Variants in ZNF536 observed in about 807,000 individuals in gnomAD.
ZNF536 encodes zinc finger protein 536.
ZNF536 carries 13 observed loss-of-function variants against 84.5 expected under a neutral mutation model. The observed-to-expected ratio is 0.15, with a 90% CI of 0.10 to 0.24. The LOEUF (loss-of-function observed/expected upper bound fraction) is 0.24. ZNF536 is among the 10% of genes least tolerant of loss of function. The pLI is 1.00. For synonymous variants in ZNF536, 811 were observed against 742.5 expected (o/e 1.09, Z -1.50); for missense variants, 1,536 against 1,747.5 (o/e 0.88, Z 2.16).
chr19:30,421,825 C>T (rs968588071), intron 1 of ZNF536, among the ~76,000 whole-genome samples: 17 of 152,242 alleles, frequency 1.1e-4, no homozygotes, highest in African/African-American at 1.9e-4. Flanking sequence ...CCTCTGTACA[C>T]GAGAGCAGGC....
At chr19:30,281,399 C>T (rs530350900) in intron 1 of ZNF536, among the ~76,000 whole-genome samples, 1 of 152,356 alleles carries the variant, frequency 6.6e-6, no homozygotes, top group South Asian at 2.1e-4. Context: ...AGCCCTGTCT[C>T]CACCAGGGCC....
intron 3 of ZNF536, among the ~76,000 whole-genome samples, chr19:30,361,178 A>G (rs985943586): frequency 8.5e-5 from 13 of 152,182 alleles, no homozygotes; most frequent in South Asian, 4.1e-4. Context: ...CCAAAAAAAA[A>G]GGGGACTTGT....
chr19:30,477,270 A>G (rs2144757983), intron 2 of ZNF536, among the ~76,000 whole-genome samples: 1 of 152,264 alleles, frequency 6.6e-6, no homozygotes, highest in South Asian at 2.1e-4. Flanking sequence ...TCTCCCCACT[A>G]GAATGCAGGT....
intron 2 of ZNF536, among the ~76,000 whole-genome samples, chr19:30,454,493 C>A (rs2052747595): frequency 6.6e-6 from 1 of 152,226 alleles, no homozygotes. Context: ...AAGACAGATA[C>A]ATGCTTCTCT....
At chr19:30,296,255 G>T (rs561932526) in intron 2 of ZNF536, 1 of 152,552 alleles carries the variant, frequency 6.6e-6, no homozygotes, top group East Asian at 1.9e-4. Context: ...TAAGGGCAGT[G>T]GAATGTCATG....
chr19:30,507,828 T>C (rs538795404), intron 2 of ZNF536, among the ~76,000 whole-genome samples: 1 of 152,284 alleles, frequency 6.6e-6, no homozygotes, highest in South Asian at 2.1e-4. Flanking sequence ...ATCAGGCAGG[T>C]TGTTCAAGTG....
chr19:30,345,785 T>C (rs778157569), intron 2 of ZNF536, among the ~76,000 whole-genome samples: 2 of 152,146 alleles, frequency 1.3e-5, no homozygotes, highest in Admixed American at 6.5e-5. Context: ...GTCTGCAGTC[T>C]TCATCCAGTG....
intron 2 of ZNF536, among the ~76,000 whole-genome samples, chr19:30,473,020 G>A (rs972790011): frequency 1.4e-5 from 2 of 139,624 alleles, no homozygotes; most frequent in East Asian, 2.1e-4. Flanking sequence ...GGTGTAAACC[G>A]ATCTCTACTA....
intron 3 of ZNF536, among the ~76,000 whole-genome samples, chr19:30,537,260 T>C (rs2045123910): frequency 6.6e-6 from 1 of 152,214 alleles, no homozygotes; most frequent in African/African-American, 2.4e-5. Context: ...TCTCAGATGA[T>C]GCCAATGTCC....
chr19:30,531,124 T>C (rs1280098242), intron 2 of ZNF536, among the ~76,000 whole-genome samples: 2 of 152,050 alleles, frequency 1.3e-5, no homozygotes, highest in Admixed American at 1.3e-4. Context: ...CTTCTGGCCC[T>C]CCAAAAAAAA....
chr19:30,563,848 A>G (rs969884784), intron 1 of ZNF536, among the ~76,000 whole-genome samples: 17 of 152,198 alleles, frequency 1.1e-4, no homozygotes, highest in African/African-American at 4.1e-4. Context: ...CCCCTTGCCC[A>G]GCCTGACAAC....
intron 1 of ZNF536, among the ~76,000 whole-genome samples, chr19:30,579,850 C>T (rs570784989): frequency 6.6e-6 from 1 of 152,296 alleles, no homozygotes; most frequent in East Asian, 1.9e-4. Context: ...CTGGTATGCT[C>T]TGAGGTCTTT....
At chr19:30,230,472 T>A (rs1599810164) in intron 1 of ZNF536, among the ~76,000 whole-genome samples, 2 of 152,158 alleles carry the variant, frequency 1.3e-5, no homozygotes, top group East Asian at 3.8e-4. Flanking sequence ...AGGCTGGAGA[T>A]CTTCGCAACT....
At chr19:30,418,893 A>C (rs2050841564) in intron 1 of ZNF536, among the ~76,000 whole-genome samples, 1 of 152,328 alleles carries the variant, frequency 6.6e-6, no homozygotes, top group African/African-American at 2.4e-5. Flanking sequence ...TTTAAAAATT[A>C]AGTATTAAAG....
chr19:30,358,953 A>G (rs1210376097), intron 3 of ZNF536, among the ~76,000 whole-genome samples: 2 of 152,122 alleles, frequency 1.3e-5, no homozygotes, highest in South Asian at 2.1e-4. Context: ...CATAGCCCCA[A>G]ATTCAGAGTG....
At chr19:30,421,792 C>T (rs1403903691) in intron 1 of ZNF536, among the ~76,000 whole-genome samples, 1 of 152,240 alleles carries the variant, frequency 6.6e-6, no homozygotes, top group Non-Finnish European at 1.5e-5. Context: ...GTGTCTTTAA[C>T]ACCTTCTACC....
intron 1 of ZNF536, among the ~76,000 whole-genome samples, chr19:30,599,482 C>CCTTCTTTCCTTCCTTT (rs2047604489): frequency 1.8e-5 from 2 of 111,468 alleles, no homozygotes; most frequent in Non-Finnish European, 3.6e-5. Flanking sequence ...TTCCTTCCTT[C>CCTTCTTTCCTTCCTTT]CCTCCTTCCT....
chr19:30,592,957 T>C (rs892693919), intron 1 of ZNF536, among the ~76,000 whole-genome samples: 4 of 152,252 alleles, frequency 2.6e-5, no homozygotes, highest in Admixed American at 6.5e-5. Context: ...TTCACATTCA[T>C]ACCATTTAGA....
intron 2 of ZNF536, among the ~76,000 whole-genome samples, chr19:30,472,061 C>T (rs1263124374): frequency 3.3e-5 from 5 of 152,180 alleles, no homozygotes; most frequent in Admixed American, 2.0e-4. Flanking sequence ...GAGGGCATCG[C>T]GCTACCTGGT....
Sources: allele counts gnomAD v4.1 joint callset (sites outside exome capture counted in the v4.1 genomes callset), GRCh38; gene constraint gnomAD v4.1.1; transcripts MANE v1.5; gene names NCBI Gene and HGNC (gene_info 2026-07-23, HGNC 2026-07-21).